TENM3: variants seen among roughly 807,000 people sequenced by gnomAD.
The protein encoded by TENM3 is teneurin-3.
A neutral mutation model predicts 255.1 loss-of-function variants in TENM3; 63 were observed. The observed-to-expected ratio is 0.25, with a 90% confidence interval of 0.20 to 0.30. TENM3 has a LOEUF of 0.30. Among genes scored for constraint, TENM3 ranks in the 10% least tolerant of loss-of-function variants. TENM3 has a pLI of 1.00. For missense variants in TENM3, 2,929 were observed against 3,461.1 expected, an observed-to-expected ratio of 0.85 and a Z score of 3.86; for synonymous variants, 1,306 against 1,322.3, an observed-to-expected ratio of 0.99 and a Z score of 0.27.
chr4:182,668,206 C>G (rs946764432), intron 6 of TENM3, among the ~76,000 whole-genome samples: 3 of 152,066 alleles, frequency 2.0e-5, no homozygotes, highest in African/African-American at 7.2e-5. Flanking sequence ...GGCTTCACCA[C>G]CACAATACTT....
intron 3 of TENM3, among the ~76,000 whole-genome samples, chr4:182,591,967 A>G (rs910045778): frequency 1.3e-5 from 2 of 152,142 alleles, no homozygotes; most frequent in Non-Finnish European, 2.9e-5. Context: ...TTTATAAGAA[A>G]AATTATTGCC....
chr4:181,493,604 G>A, the TENM3 span, among the ~76,000 whole-genome samples: 327 of 151,944 alleles, frequency 2.2e-3, 1 homozygote, highest in African/African-American at 7.5e-3. Flanking sequence ...AAAATTAGCC[G>A]GGCATGGTGG....
At chr4:182,764,021 C>G (rs1250085917) in intron 22 of TENM3, among the ~76,000 whole-genome samples, 2 of 152,204 alleles carry the variant, frequency 1.3e-5, no homozygotes, top group African/African-American at 2.4e-5. Context: ...CAATTAACCA[C>G]AAGCATAGGT....
chr4:182,622,590 G>T (rs1750399852), intron 4 of TENM3, among the ~76,000 whole-genome samples: 1 of 152,176 alleles, frequency 6.6e-6, no homozygotes, highest in Non-Finnish European at 1.5e-5. Flanking sequence ...TGGAGAAACA[G>T]CATACTTTGA....
chr4:181,448,493 G>T, the TENM3 span, among the ~76,000 whole-genome samples: 3 of 152,054 alleles, frequency 2.0e-5, no homozygotes, highest in Non-Finnish European at 4.4e-5. Flanking sequence ...TTATTAATGG[G>T]AATTTTATAC....
chr4:182,697,369 G>C (rs944162605), intron 12 of TENM3, among the ~76,000 whole-genome samples: 1 of 152,198 alleles, frequency 6.6e-6, no homozygotes, highest in South Asian at 2.1e-4. Flanking sequence ...GGCAGCAGGC[G>C]TGGAGTTGAG....
chr4:182,055,149 C>A, the TENM3 span, among the ~76,000 whole-genome samples: 1 of 152,020 alleles, frequency 6.6e-6, no homozygotes, highest in Non-Finnish European at 1.5e-5. Flanking sequence ...GAGTTCGAGT[C>A]CAGTTTGGGC....
At chr4:182,032,473 T>C in the TENM3 span, among the ~76,000 whole-genome samples, 7 of 152,214 alleles carry the variant, frequency 4.6e-5, no homozygotes, top group African/African-American at 1.7e-4. Flanking sequence ...GGAGGACTTT[T>C]GCATCGATGT....
At chr4:181,714,431 A>T in the TENM3 span, among the ~76,000 whole-genome samples, 1 of 152,220 alleles carries the variant, frequency 6.6e-6, no homozygotes, top group Non-Finnish European at 1.5e-5. Context: ...TATCAGAATG[A>T]CAGAGCAAGA....
intron 3 of TENM3, among the ~76,000 whole-genome samples, chr4:182,535,041 G>T (rs909661186): frequency 6.6e-6 from 1 of 152,138 alleles, no homozygotes; most frequent in Admixed American, 6.5e-5. Flanking sequence ...GTACTGACTT[G>T]CACCCTCCTC....
At chr4:181,473,298 C>A in the TENM3 span, among the ~76,000 whole-genome samples, 1 of 152,084 alleles carries the variant, frequency 6.6e-6, no homozygotes, top group African/African-American at 2.4e-5. Flanking sequence ...AATAAGAAAT[C>A]CATCCTAGGA....
At chr4:182,178,479 G>T (rs1752652716) in intron 1 of TENM3, among the ~76,000 whole-genome samples, 2 of 152,112 alleles carry the variant, frequency 1.3e-5, no homozygotes, top group Admixed American at 1.3e-4. Flanking sequence ...TAGAATTAAA[G>T]AAATATGAAC....
At chr4:182,795,705 G>T (rs1023364020) in intron 26 of TENM3, among the ~76,000 whole-genome samples, 1 of 152,200 alleles carries the variant, frequency 6.6e-6, no homozygotes, top group Non-Finnish European at 1.5e-5. Flanking sequence ...AAAGCCCACA[G>T]CTCCTGAATT....
At chr4:182,143,649 A>T (rs769849779), upstream of TENM3, 2 of 163,222 alleles carry the variant, frequency 1.2e-5, no homozygotes, top group Admixed American at 1.3e-4. This position sits in a 1 kb window ranked among gnomAD's most constrained non-coding sequence, Gnocchi z 4.3. Flanking sequence ...CCCCTCCCCC[A>T]GGGCCGCCTC....
chr4:182,569,664 A>T (rs1247937001), intron 3 of TENM3, among the ~76,000 whole-genome samples: 1 of 152,202 alleles, frequency 6.6e-6, no homozygotes, highest in East Asian at 1.9e-4. Flanking sequence ...GAGACCAGCT[A>T]CTTTACGAAA....
At chr4:182,503,563 G>C (rs550783925) in intron 3 of TENM3, among the ~76,000 whole-genome samples, 1 of 152,288 alleles carries the variant, frequency 6.6e-6, no homozygotes, top group Non-Finnish European at 1.5e-5. Flanking sequence ...AAGGATTGCA[G>C]GTTGGCAGTG....
chr4:182,624,853 C>A (rs1033430386), intron 4 of TENM3, among the ~76,000 whole-genome samples: 1 of 152,096 alleles, frequency 6.6e-6, no homozygotes, highest in Non-Finnish European at 1.5e-5. Flanking sequence ...ACTTCAGAAA[C>A]TTGATTTACC....
chr4:182,601,842 T>C (rs546239520), intron 4 of TENM3, among the ~76,000 whole-genome samples: 36 of 152,350 alleles, frequency 2.4e-4, no homozygotes, highest in African/African-American at 8.7e-4. Context: ...TCTGCAACTA[T>C]ACAAAACAAT....
At chr4:182,283,906 T>G (rs1488909359) in intron 1 of TENM3, among the ~76,000 whole-genome samples, 4 of 152,202 alleles carry the variant, frequency 2.6e-5, no homozygotes, top group Non-Finnish European at 5.9e-5. Context: ...TTAAGAAATA[T>G]TAACCCAGAG....
Sources: allele counts gnomAD v4.1 joint callset (sites outside exome capture counted in the v4.1 genomes callset), GRCh38; gene constraint gnomAD v4.1.1; non-coding constraint Gnocchi (gnomAD v3.1); transcripts MANE v1.5; gene names NCBI Gene and HGNC (gene_info 2026-07-23, HGNC 2026-07-21).